Variants in RBFOX1 observed in about 807,000 individuals in gnomAD.
The protein encoded by RBFOX1 is RNA binding fox-1 homolog 1.
RBFOX1 carries 8 observed loss-of-function variants against 57.7 expected under a neutral mutation model. That is an observed-to-expected ratio of 0.14 (90% CI 0.08 to 0.25). The LOEUF is 0.25. Ranked by LOEUF, RBFOX1 falls within the 10% of genes least tolerant of loss-of-function variation. The pLI is 1.00. For missense variants in RBFOX1, 611 were observed against 548.5 expected (o/e 1.11, Z -1.14); for synonymous variants, 326 against 222.4 (o/e 1.47, Z -4.15).
intron 1 of RBFOX1, among the ~76,000 whole-genome samples, chr16:5,276,992 CACATGTTT>C (rs1322225200): frequency 6.6e-6 from 1 of 152,210 alleles, no homozygotes; most frequent in African/African-American, 2.4e-5. Flanking sequence ...CACTTTTGCA[CACATGTTT>C]ACATCAGCAA....
At chr16:5,942,199 GT>G (rs1037340515) in intron 4 of RBFOX1, among the ~76,000 whole-genome samples, 1 of 151,984 alleles carries the variant, frequency 6.6e-6, no homozygotes, top group East Asian at 1.9e-4. Context: ...GGAGACTGGA[GT>G]TTTTTTTATT....
chr16:6,300,028 T>A (rs1156491940), intron 1 of RBFOX1, among the ~76,000 whole-genome samples: 2 of 152,228 alleles, frequency 1.3e-5, no homozygotes. Context: ...AAGGACATTC[T>A]GTCATTTGTG....
intron 3 of RBFOX1, among the ~76,000 whole-genome samples, chr16:6,987,989 T>C (rs559587086): frequency 7.2e-5 from 11 of 152,266 alleles, no homozygotes; most frequent in African/African-American, 2.6e-4. Flanking sequence ...CATAATCTTA[T>C]ATAGTCGTCA....
chr16:5,989,278 C>T (rs1033692843), intron 4 of RBFOX1, among the ~76,000 whole-genome samples: 1 of 151,966 alleles, frequency 6.6e-6, no homozygotes, highest in Non-Finnish European at 1.5e-5. Context: ...TTACAGTGAG[C>T]CGAGATGGCG....
chr16:6,737,721 C>G (rs1384455730), intron 3 of RBFOX1, among the ~76,000 whole-genome samples: 1 of 152,068 alleles, frequency 6.6e-6, no homozygotes, highest in Admixed American at 6.6e-5. Context: ...GGATGAATGT[C>G]TAGGTACACA....
intron 4 of RBFOX1, among the ~76,000 whole-genome samples, chr16:7,279,385 T>C (rs1603479838): frequency 6.6e-6 from 1 of 152,212 alleles, no homozygotes; most frequent in East Asian, 1.9e-4. Flanking sequence ...GGGGCTTTGC[T>C]CTTGAATTCA....
At chr16:6,195,023 A>T (rs1038215891) in intron 1 of RBFOX1, among the ~76,000 whole-genome samples, 2 of 152,196 alleles carry the variant, frequency 1.3e-5, no homozygotes, top group African/African-American at 4.8e-5. Context: ...GCATTACTCT[A>T]GGCCAGTTTT....
At chr16:7,489,594 C>T (rs2066388973) in intron 4 of RBFOX1, among the ~76,000 whole-genome samples, 2 of 152,084 alleles carry the variant, frequency 1.3e-5, no homozygotes, top group Non-Finnish European at 2.9e-5. Flanking sequence ...TAGCTCACTG[C>T]AGCCTCGAAC....
chr16:5,889,220 C>T (rs761614077), intron 4 of RBFOX1, among the ~76,000 whole-genome samples: 7 of 152,130 alleles, frequency 4.6e-5, no homozygotes, highest in South Asian at 2.1e-4. Flanking sequence ...ATTAACTATT[C>T]CTCCTGATGC....
chr16:6,548,378 T>A (rs994749870), intron 2 of RBFOX1, among the ~76,000 whole-genome samples: 18 of 152,070 alleles, frequency 1.2e-4, no homozygotes, highest in Non-Finnish European at 2.6e-4. Context: ...TATCAAATTG[T>A]TGGGGGGTAT....
intron 1 of RBFOX1, among the ~76,000 whole-genome samples, chr16:6,094,391 G>T (rs1382217374): frequency 6.6e-6 from 1 of 152,194 alleles, no homozygotes; most frequent in Admixed American, 6.5e-5. Flanking sequence ...TAGGCAAAGA[G>T]GGAACAGTTT....
intron 2 of RBFOX1, among the ~76,000 whole-genome samples, chr16:6,530,303 G>C (rs1167483461): frequency 6.6e-6 from 1 of 152,060 alleles, no homozygotes; most frequent in Non-Finnish European, 1.5e-5. Context: ...CTCTTATTTG[G>C]CATGGTAAGC....
At chr16:7,103,450 C>T (rs891926503) in intron 4 of RBFOX1, among the ~76,000 whole-genome samples, 10 of 152,102 alleles carry the variant, frequency 6.6e-5, no homozygotes, top group Non-Finnish European at 7.4e-5. Context: ...CACCTTCAGT[C>T]CTGCTGAATT....
Position 5,947,646 on chromosome 16 carries a change from G to C in RBFOX1, c.351+80311G>C, listed in dbSNP as rs747181022. 1.3e-5 allele frequency among the ~76,000 whole-genome samples: 2 copies of C among 152,078 alleles called. No individual in the cohort carries two copies. Among genetic ancestry groups the C allele is most frequent in the Non-Finnish European group, 2.9e-5 (2 of 68,020 alleles). On this transcript the variant is annotated intron_variant, in intron 4 of 19. Transcript: ENST00000641259. This position sits in a 1 kb window ranked among gnomAD's most constrained non-coding sequence, Gnocchi z 7.2. ...ACCCTTCGATTTTAGGTATTTTTATGGCATCCCTTACCATCTTCCTTCTCT... is the reference window on the plus strand; with the variant it reads ...ACCCTTCGATTTTAGGTATTTTTATCGCATCCCTTACCATCTTCCTTCTCT...
intron 2 of RBFOX1, among the ~76,000 whole-genome samples, chr16:6,495,797 T>G (rs958946631): frequency 1.3e-5 from 2 of 152,182 alleles, no homozygotes; most frequent in African/African-American, 4.8e-5. Flanking sequence ...TATGGCAAAC[T>G]CAACACCCCT....
At chr16:7,691,174 A>C (rs939004879) in intron 14 of RBFOX1, among the ~76,000 whole-genome samples, 2 of 151,358 alleles carry the variant, frequency 1.3e-5, no homozygotes, top group Admixed American at 6.6e-5. Context: ...GGTAGCTGTT[A>C]ACTCCTTTTA....
intron 3 of RBFOX1, among the ~76,000 whole-genome samples, chr16:6,969,604 C>T (rs1310236073): frequency 6.6e-6 from 1 of 151,854 alleles, no homozygotes; most frequent in East Asian, 1.9e-4. Flanking sequence ...ATTAGTTGGG[C>T]ATTATGGTGC....
chr16:7,383,116 C>G (rs565846465), intron 4 of RBFOX1, among the ~76,000 whole-genome samples: 162 of 152,168 alleles, frequency 1.1e-3, no homozygotes, highest in African/African-American at 3.8e-3. Flanking sequence ...AGCAGGTGTT[C>G]ATGGTACAGT....
intron 2 of RBFOX1, among the ~76,000 whole-genome samples, chr16:6,537,963 T>C (rs2153827901): frequency 6.6e-6 from 1 of 152,038 alleles, no homozygotes; most frequent in South Asian, 2.1e-4. Context: ...TCCTAGGAAC[T>C]CTACAGTGAT....
Sources: gnomAD v4.1 joint callset for allele counts (sites outside exome capture counted in the v4.1 genomes callset) on GRCh38, gnomAD v4.1.1 for gene constraint, Gnocchi (gnomAD v3.1) non-coding constraint, MANE v1.5 for transcripts, NCBI Gene and HGNC (gene_info 2026-07-23, HGNC 2026-07-21) for gene names.